The following TBC1D22A variants were observed in gnomAD, a reference collection of about 807,000 sequenced individuals.
The protein encoded by TBC1D22A is TBC1 domain family member 22A, also known as putative GTPase activator.
In TBC1D22A, 38 loss-of-function variants were observed where a neutral mutation model predicts 60.2. That is an observed-to-expected ratio of 0.63 (90% CI 0.49 to 0.83). The LOEUF (loss-of-function observed/expected upper bound fraction) is 0.83, where lower values mean the gene tolerates loss of function less well. Ranked by LOEUF, TBC1D22A falls within the 40% of genes least tolerant of loss-of-function variation. TBC1D22A has a pLI of 0.00. For missense variants in TBC1D22A, 628 were observed against 701.0 expected, an observed-to-expected ratio of 0.90 and a Z score of 1.18; for synonymous variants, 302 against 281.7, an observed-to-expected ratio of 1.07 and a Z score of -0.72.
At chr22:46,842,384 G>A (rs986454073) in intron 4 of TBC1D22A, among the ~76,000 whole-genome samples, 3 of 152,216 alleles carry the variant, frequency 2.0e-5, no homozygotes, top group Non-Finnish European at 4.4e-5. Flanking sequence ...GAGAAAAGCT[G>A]AAAGACTTGT....
At chr22:46,793,363 T>C (rs1266483910) in intron 2 of TBC1D22A, 138 bp from the exon 3 acceptor site, 5 of 815,708 alleles carry the variant, frequency 6.1e-6, no homozygotes, top group African/African-American at 3.4e-5. Context: ...CTGTGAATTG[T>C]GTTTGCTTTT....
intron 6 of TBC1D22A, among the ~76,000 whole-genome samples, chr22:46,893,423 T>C (rs1310703341): frequency 6.6e-6 from 1 of 152,094 alleles, no homozygotes; most frequent in African/African-American, 2.4e-5. Flanking sequence ...TGTTGGAGCC[T>C]CTCCTGACAA....
intron 8 of TBC1D22A, among the ~76,000 whole-genome samples, chr22:46,966,079 A>T (rs1344506933): frequency 6.6e-6 from 1 of 152,010 alleles, no homozygotes; most frequent in African/African-American, 2.4e-5. Context: ...CTCTACAGGG[A>T]AGTCTCTGGG....
chr22:47,068,727 G>C (rs915661743), intron 11 of TBC1D22A, among the ~76,000 whole-genome samples: 1 of 152,170 alleles, frequency 6.6e-6, no homozygotes, highest in African/African-American at 2.4e-5. Flanking sequence ...ACAATTTCAC[G>C]CCGAAATCTC....
At chr22:46,915,350 T>TG (rs1250210432) in intron 8 of TBC1D22A, 1 of 454,012 alleles carries the variant, frequency 2.2e-6, no homozygotes, top group African/African-American at 2.0e-5. Flanking sequence ...AAACCTCAGA[T>TG]GCTCTGCTTA....
chr22:47,117,802 A>T (rs2066124782), intron 12 of TBC1D22A, among the ~76,000 whole-genome samples: 1 of 152,190 alleles, frequency 6.6e-6, no homozygotes. Flanking sequence ...CATAGGAGGA[A>T]AGTTTAAGCA....
chr22:46,987,613 T>A (rs2074776612), intron 9 of TBC1D22A, among the ~76,000 whole-genome samples: 1 of 152,214 alleles, frequency 6.6e-6, no homozygotes, highest in Non-Finnish European at 1.5e-5. Context: ...AATAGCATTG[T>A]ATCTAAAAAG....
intron 12 of TBC1D22A, among the ~76,000 whole-genome samples, chr22:47,161,897 C>G (rs2147206851): frequency 6.6e-6 from 1 of 152,364 alleles, no homozygotes; most frequent in Admixed American, 6.5e-5. Flanking sequence ...GAGTGAGCTG[C>G]CGGCGCTCTT....
intron 10 of TBC1D22A, 94 bp from the exon 11 acceptor site, chr22:47,036,977 G>T: frequency 1.3e-6 from 2 of 1,518,328 alleles, no homozygotes; most frequent in Non-Finnish European, 1.8e-6. Flanking sequence ...GGGTTCTGAG[G>T]CGGGCGCAGG....
At chr22:46,769,502 C>T (rs2083414321) in intron 1 of TBC1D22A, among the ~76,000 whole-genome samples, 1 of 152,200 alleles carries the variant, frequency 6.6e-6, no homozygotes, top group Non-Finnish European at 1.5e-5. Context: ...AGTAGCAAGG[C>T]CCTCACTGGG....
At chr22:46,838,519 C>G (rs905543341) in intron 4 of TBC1D22A, among the ~76,000 whole-genome samples, 2 of 151,782 alleles carry the variant, frequency 1.3e-5, no homozygotes, top group Non-Finnish European at 2.9e-5. Context: ...CAAAGTCTTT[C>G]CAAAAATTGA....
intron 4 of TBC1D22A, among the ~76,000 whole-genome samples, chr22:46,860,853 T>A (rs2087837594): frequency 6.6e-6 from 1 of 152,200 alleles, no homozygotes. Flanking sequence ...CCTGTGGTGT[T>A]GAGTGGGGGT....
intron 9 of TBC1D22A, 75 bp downstream of exon 9, chr22:46,974,474 G>C: frequency 8.0e-7 from 1 of 1,246,234 alleles, no homozygotes; most frequent in South Asian, 1.3e-5. Context: ...GCCTTAGGCT[G>C]CTCCTGAGTC....
chr22:47,141,481 C>T (rs1447390967), intron 12 of TBC1D22A, among the ~76,000 whole-genome samples: 1 of 152,208 alleles, frequency 6.6e-6, no homozygotes, highest in African/African-American at 2.4e-5. Flanking sequence ...GGGCAGTTGT[C>T]CCCAGATCAG....
chr22:46,913,408 G>A (rs772412511), intron 8 of TBC1D22A: 38 of 1,366,288 alleles, frequency 2.8e-5, no homozygotes, highest in Non-Finnish European at 3.6e-5. Flanking sequence ...CCCGAGGACA[G>A]ATGAACAGAT....
intron 8 of TBC1D22A, among the ~76,000 whole-genome samples, chr22:46,927,496 C>T (rs2147872523): frequency 6.6e-6 from 1 of 152,310 alleles, no homozygotes; most frequent in African/African-American, 2.4e-5. Context: ...TAACATCATG[C>T]TTAGTTGAAA....
At chr22:46,993,946 G>C (rs372886514) in intron 9 of TBC1D22A, among the ~76,000 whole-genome samples, 6 of 152,234 alleles carry the variant, frequency 3.9e-5, no homozygotes, top group South Asian at 2.1e-4. Flanking sequence ...TCGCCCTCGG[G>C]GGGTGGGGCC....
intron 7 of TBC1D22A, among the ~76,000 whole-genome samples, chr22:46,898,300 C>T (rs890404653): frequency 1.3e-5 from 2 of 152,090 alleles, no homozygotes; most frequent in Non-Finnish European, 2.9e-5. Flanking sequence ...TTTGGAAAGC[C>T]TCCCCTGTCA....
chr22:47,124,520 A>C (rs544406270), intron 12 of TBC1D22A, among the ~76,000 whole-genome samples: 2 of 152,296 alleles, frequency 1.3e-5, no homozygotes, highest in East Asian at 3.9e-4. Context: ...TGGAAGCTCT[A>C]TGGGGAGGGG....
Sources: allele counts gnomAD v4.1 joint callset (sites outside exome capture counted in the v4.1 genomes callset), GRCh38; gene constraint gnomAD v4.1.1; transcripts MANE v1.5; gene names NCBI Gene and HGNC (gene_info 2026-07-23, HGNC 2026-07-21).